ICE2: variants seen among roughly 807,000 people sequenced by gnomAD.
ICE2 encodes the protein little elongation complex subunit 2.
In ICE2, 87 loss-of-function variants were observed where a neutral mutation model predicts 105.4. The ratio of observed to expected loss-of-function variants is 0.83; its 90% confidence interval spans 0.69 to 0.99. The LOEUF (loss-of-function observed/expected upper bound fraction) is 0.99, where lower values mean the gene tolerates loss of function less well. Ranked by LOEUF, ICE2 falls within the 50% of genes least tolerant of loss-of-function variation. ICE2 has a pLI of 0.00. For missense variants in ICE2, 1,323 were observed against 1,146.7 expected (o/e 1.15, Z -2.22); for synonymous variants, 399 against 392.0 (o/e 1.02, Z -0.21).
intron 3 of ICE2, among the ~76,000 whole-genome samples, chr15:60,474,519 T>C (rs1026993252): frequency 1.3e-5 from 2 of 152,146 alleles, no homozygotes; most frequent in Non-Finnish European, 2.9e-5. Flanking sequence ...ATGCCTGTAA[T>C]CCCAGCAAGT....
chr15:60,429,449 C>T (rs1302944790), intron 14 of ICE2, among the ~76,000 whole-genome samples: 1 of 152,154 alleles, frequency 6.6e-6, no homozygotes, highest in African/African-American at 2.4e-5. Flanking sequence ...GTAGCAATAA[C>T]AAACTATGTT....
chr15:60,445,139 TAAA>T (rs1202424843), intron 11 of ICE2, among the ~76,000 whole-genome samples: 2 of 152,040 alleles, frequency 1.3e-5, no homozygotes, highest in Admixed American at 6.6e-5. Context: ...TGAGGAAAAA[TAAA>T]GAAGAGATGA....
chr15:60,433,756 G>C (rs2063516404), intron 13 of ICE2, among the ~76,000 whole-genome samples: 1 of 151,500 alleles, frequency 6.6e-6, no homozygotes, highest in Non-Finnish European at 1.5e-5. Flanking sequence ...CTCCCAAAGT[G>C]TGGGGATTAC....
intron 12 of ICE2, chr15:60,440,945 A>G (rs2063706569): frequency 6.6e-6 from 1 of 152,332 alleles, no homozygotes; most frequent in South Asian, 2.1e-4. Context: ...AGGATTACTT[A>G]GGATTTTACA....
chr15:60,452,244 T>C, intron 9 of ICE2: 1 of 926,006 alleles, frequency 1.1e-6, no homozygotes, highest in South Asian at 5.0e-5. Context: ...GAGAAAAACA[T>C]AAACAAATAT....
chr15:60,436,289 C>A (rs59943801), intron 12 of ICE2, 62 bp from the exon 13 acceptor site: 349 of 550,000 alleles, frequency 6.3e-4, no homozygotes, highest in African/African-American at 5.4e-3. Flanking sequence ...AAAAAAAAAA[C>A]CAAGTTATCC....
intron 14 of ICE2, among the ~76,000 whole-genome samples, chr15:60,430,448 C>CTTAATTTGTG (rs2140997323): frequency 1.6e-5 from 1 of 62,846 alleles, no homozygotes; most frequent in South Asian, 1.0e-3. Flanking sequence ...GTTTTATAAT[C>CTTAATTTGTG]TTAATTTGTT....
At chr15:60,425,242 G>C (rs2063315420) in intron 15 of ICE2, among the ~76,000 whole-genome samples, 1 of 152,132 alleles carries the variant, frequency 6.6e-6, no homozygotes, top group South Asian at 2.1e-4. Context: ...TTGTCTGTGT[G>C]AATCTGATGA....
rs772690630 is a variant in ICE2, at chr15:60,453,747, T to C, written c.981A>G (p.Pro327=). 6.9e-6 allele frequency: 11 copies of C among 1,594,526 alleles called. No individual in the cohort carries two copies. The East Asian group carries it at 2.2e-4, about 32-fold the overall frequency. ...KPVKVIYINS[P]LPQKKMTMRE... ...TCATAGTCATTTTCTTTTGGGGAAG[T>C]GGTGAATTAATATATATTACTTTAA... is the stretch of plus-strand genomic sequence containing the variant. The change falls in exon 9 of 16, where the codon CCA becomes CCG. Residue 327 remains proline (P), a synonymous_variant. Coordinates refer to ENST00000261520, the MANE Select transcript of ICE2 (RefSeq NM_024611.6).
At chr15:60,468,964 C>T (rs758094385) in intron 3 of ICE2, among the ~76,000 whole-genome samples, 3 of 152,082 alleles carry the variant, frequency 2.0e-5, no homozygotes, top group Non-Finnish European at 4.4e-5. Context: ...AAAATCCTGG[C>T]GTATCGTTAA....
chr15:60,466,766 A>T (rs1235656630), intron 4 of ICE2, 53 bp from the exon 5 acceptor site: 1 of 1,414,174 alleles, frequency 7.1e-7, no homozygotes, highest in Non-Finnish European at 9.7e-7. Flanking sequence ...CATTAAAAAG[A>T]ATCACATTCT....
chr15:60,456,931 C>A (rs918762345), intron 5 of ICE2, 137 bp from the exon 6 acceptor site: 124 of 378,348 alleles, frequency 3.3e-4, no homozygotes, highest in African/African-American at 2.5e-3. Flanking sequence ...CTAATACACA[C>A]ATTGTATATT....
chr15:60,464,732 TAA>T (rs2064374885), intron 5 of ICE2, among the ~76,000 whole-genome samples: 1 of 152,130 alleles, frequency 6.6e-6, no homozygotes, highest in South Asian at 2.1e-4. Context: ...TAGAACTTTG[TAA>T]AGACTCTTCC....
In ICE2 at chr15:60,455,118, A is replaced by G. The variant is rs534253409; in HGVS notation, c.828T>C (p.Tyr276=). 12 of 1,590,822 alleles carry G rather than the reference A, an allele frequency of 7.5e-6. No homozygotes were observed. In the African/African-American group the frequency reaches 8.2e-5, roughly 11 times the overall value. ...GACTAGTTAGAGCTATCTGAGGGTG[A>G]TATCTGGAAACAAGCTTCTCTGCAT... is the stretch of plus-strand genomic sequence containing the variant. ...DPNAEKLVSR[Y]HPQIALTSQS... Residue 276 remains tyrosine (Y), a synonymous_variant, in exon 8 of 16, where the codon TAT becomes TAC. Coordinates refer to ENST00000261520, the MANE Select transcript of ICE2 (RefSeq NM_024611.6).
At chr15:60,429,446 T>C (rs1380661643) in intron 14 of ICE2, among the ~76,000 whole-genome samples, 2 of 152,206 alleles carry the variant, frequency 1.3e-5, no homozygotes, top group African/African-American at 2.4e-5. Flanking sequence ...ACTGTAGCAA[T>C]AACAAACTAT....
chr15:60,453,448 T>C, intron 9 of ICE2, 155 bp downstream of exon 9: 1 of 1,402,974 alleles, frequency 7.1e-7, no homozygotes, highest in Admixed American at 3.0e-5. Flanking sequence ...GTTAAGTTAG[T>C]TGCCTAAAGT....
chr15:60,423,578 T>G lies in ICE2; in HGVS notation c.*56A>C. The stretch of plus-strand genomic sequence containing the variant: ...CTGATTATTTTCCCTCAAACTTATC[T>G]AAATTAAACACTGTTATAACTGTTT... On this transcript the variant is annotated 3_prime_UTR_variant, in exon 16 of 16. Coordinates refer to ENST00000261520, the MANE Select transcript of ICE2 (RefSeq NM_024611.6). 3 of 1,491,820 alleles carry G rather than the reference T, an allele frequency of 2.0e-6. No homozygotes were observed. The highest frequency in any genetic ancestry group is 2.7e-6 in the Non-Finnish European group (3 of 1,116,278). The allele number at this position is 1,491,820 out of a possible 1,614,324, so 92.4% of individuals were successfully genotyped here. A position where few individuals can be genotyped will look rare whatever the true frequency, so the allele number is the denominator to read the frequency against.
intron 9 of ICE2, chr15:60,452,116 T>A (rs1322807596): frequency 6.1e-6 from 6 of 985,054 alleles, no homozygotes; most frequent in Non-Finnish European, 7.2e-6. Context: ...CTGCCTGACA[T>A]TCACCTCAAT....
chr15:60,452,487 T>A (rs1437189877), intron 9 of ICE2: 1 of 163,938 alleles, frequency 6.1e-6, no homozygotes, highest in Non-Finnish European at 1.3e-5. Context: ...CACTACCTGC[T>A]TTTTTACTGT....
Sources: allele counts gnomAD v4.1 joint callset (sites outside exome capture counted in the v4.1 genomes callset), GRCh38; gene constraint gnomAD v4.1.1; transcripts MANE v1.5; gene names NCBI Gene and HGNC (gene_info 2026-07-23, HGNC 2026-07-21).